The following HIBADH variants were observed in gnomAD, a reference collection of about 807,000 sequenced individuals.
HIBADH encodes the protein 3-hydroxyisobutyrate dehydrogenase.
A neutral mutation model predicts 36.1 loss-of-function variants in HIBADH; 25 were observed. That is an observed-to-expected ratio of 0.69 (90% CI 0.50 to 0.97). The LOEUF (loss-of-function observed/expected upper bound fraction) is 0.97, where lower values mean the gene tolerates loss of function less well. Among genes scored for constraint, HIBADH ranks in the 50% least tolerant of loss-of-function variants. The probability of loss-of-function intolerance (pLI) is 0.00; values close to 1 mark genes in which losing one functional copy is unlikely to be tolerated. For missense variants in HIBADH, 421 were observed against 418.0 expected (o/e 1.01, Z -0.06); for synonymous variants, 160 against 149.5 (o/e 1.07, Z -0.51).
chr7:27,634,288 A>T (rs1003895727), intron 2 of HIBADH, among the ~76,000 whole-genome samples: 2 of 152,194 alleles, frequency 1.3e-5, no homozygotes, highest in African/African-American at 4.8e-5. Flanking sequence ...TTCAACCTGT[A>T]TATTTTGATA....
chr7:27,625,663 A>G (rs1785627052), intron 4 of HIBADH, among the ~76,000 whole-genome samples: 1 of 152,128 alleles, frequency 6.6e-6, no homozygotes, highest in Admixed American at 6.6e-5. Context: ...CCGCACATAT[A>G]TTTTATAAAT....
At chr7:27,630,726 C>T (rs189832295) in intron 3 of HIBADH, among the ~76,000 whole-genome samples, 1 of 151,984 alleles carries the variant, frequency 6.6e-6, no homozygotes, top group East Asian at 1.9e-4. Context: ...CATAGCAAGA[C>T]CTCGTCTAAA....
chr7:27,576,310 A>G (rs1420948671), intron 4 of HIBADH, among the ~76,000 whole-genome samples: 1 of 152,254 alleles, frequency 6.6e-6, no homozygotes, highest in Non-Finnish European at 1.5e-5. Context: ...AATTAAGATT[A>G]TATAACAAAG....
intron 1 of HIBADH, among the ~76,000 whole-genome samples, chr7:27,659,851 A>G (rs1786381316): frequency 6.6e-6 from 1 of 152,244 alleles, no homozygotes; most frequent in South Asian, 2.1e-4. Context: ...TCACGCCAGT[A>G]GTTCTAGACC....
At chr7:27,616,264 A>C (rs532983823) in intron 4 of HIBADH, among the ~76,000 whole-genome samples, 2 of 152,262 alleles carry the variant, frequency 1.3e-5, no homozygotes, top group Non-Finnish European at 2.9e-5. Context: ...GAATAGCATT[A>C]ATCTATTCAC....
At chr7:27,594,506 C>T (rs1473149504) in intron 4 of HIBADH, among the ~76,000 whole-genome samples, 1 of 152,130 alleles carries the variant, frequency 6.6e-6, no homozygotes, top group Non-Finnish European at 1.5e-5. Flanking sequence ...ATATCTTATT[C>T]TTAAATAGAA....
intron 1 of HIBADH, 81 bp downstream of exon 1, chr7:27,662,617 G>C (rs1211519886): frequency 1.1e-6 from 1 of 931,500 alleles, no homozygotes; most frequent in Non-Finnish European, 1.4e-6. Context: ...GGCCTCCCGA[G>C]AAAAGACTTC....
chr7:27,592,959 C>T (rs139923368), intron 4 of HIBADH, among the ~76,000 whole-genome samples: 10 of 152,308 alleles, frequency 6.6e-5, no homozygotes, highest in Non-Finnish European at 8.8e-5. Flanking sequence ...TCAGCATGCT[C>T]TTCCTCTGTG....
intron 2 of HIBADH, among the ~76,000 whole-genome samples, chr7:27,648,220 T>A (rs1786112360): frequency 6.6e-6 from 1 of 152,122 alleles, no homozygotes; most frequent in Non-Finnish European, 1.5e-5. Context: ...ACTGATCAAA[T>A]CTCTCCAACA....
intron 4 of HIBADH, among the ~76,000 whole-genome samples, chr7:27,588,276 G>C (rs1389665175): frequency 6.6e-6 from 1 of 152,178 alleles, no homozygotes; most frequent in Non-Finnish European, 1.5e-5. Context: ...TGTAAGGAAA[G>C]GAGGTCCAGG....
intron 4 of HIBADH, among the ~76,000 whole-genome samples, chr7:27,553,577 G>A (rs933650689): frequency 2.0e-5 from 3 of 152,216 alleles, no homozygotes; most frequent in African/African-American, 4.8e-5. Context: ...TACAGAAGCC[G>A]TAAGACAGAA....
chr7:27,649,284 G>C (rs1260357124), intron 2 of HIBADH, 189 bp downstream of exon 2: 4 of 448,686 alleles, frequency 8.9e-6, no homozygotes, highest in South Asian at 5.8e-5. Context: ...AGATACCCCT[G>C]AATGTCTAAC....
intron 4 of HIBADH, among the ~76,000 whole-genome samples, chr7:27,611,108 A>G (rs1413590684): frequency 6.6e-6 from 1 of 152,224 alleles, no homozygotes; most frequent in Non-Finnish European, 1.5e-5. Flanking sequence ...GTTTTCTGGT[A>G]TGGAACTGTT....
At chr7:27,567,665 G>GTTC (rs1191648690) in intron 4 of HIBADH, among the ~76,000 whole-genome samples, 1 of 150,520 alleles carries the variant, frequency 6.6e-6, no homozygotes. Context: ...GTGCACACGT[G>GTTC]TGTGACTGAC....
chr7:27,621,140 C>T (rs529488182), intron 4 of HIBADH, among the ~76,000 whole-genome samples: 1 of 152,128 alleles, frequency 6.6e-6, no homozygotes, highest in African/African-American at 2.4e-5. Flanking sequence ...AATTGTAGGG[C>T]ATTAAATAAT....
At chr7:27,599,599 G>A (rs547330796) in intron 4 of HIBADH, among the ~76,000 whole-genome samples, 7 of 144,182 alleles carry the variant, frequency 4.9e-5, no homozygotes, top group Non-Finnish European at 4.5e-5. Flanking sequence ...GGAGAATGGC[G>A]TGAACCCGGG....
intron 6 of HIBADH, among the ~76,000 whole-genome samples, chr7:27,533,204 C>T (rs901132843): frequency 3.3e-5 from 5 of 152,170 alleles, no homozygotes; most frequent in Non-Finnish European, 7.3e-5. Context: ...AGGAAATTCA[C>T]TCTTTTCTAT....
At chr7:27,649,432 C>T in intron 2 of HIBADH, 41 bp downstream of exon 2, 1 of 1,500,146 alleles carries the variant, frequency 6.7e-7, no homozygotes, top group Non-Finnish European at 9.0e-7. Flanking sequence ...ATTCATTTTT[C>T]ATTCTCAAAA....
chr7:27,629,893 T>C (rs1403588762), intron 3 of HIBADH, among the ~76,000 whole-genome samples: 1 of 152,190 alleles, frequency 6.6e-6, no homozygotes, highest in Non-Finnish European at 1.5e-5. Flanking sequence ...CTTTAAAAAG[T>C]AATTTATTTG....
Sources: gnomAD v4.1 joint callset for allele counts (sites outside exome capture counted in the v4.1 genomes callset) on GRCh38, gnomAD v4.1.1 for gene constraint, MANE v1.5 for transcripts, NCBI Gene and HGNC (gene_info 2026-07-23, HGNC 2026-07-21) for gene names.